The following GRM7 variants were observed in gnomAD, a reference collection of about 807,000 sequenced individuals.
GRM7 encodes metabotropic glutamate receptor 7.
A neutral mutation model predicts 84.5 loss-of-function variants in GRM7; 35 were observed. The observed-to-expected ratio is 0.41, with a 90% CI of 0.32 to 0.55. The LOEUF is 0.55. Ranked by LOEUF, GRM7 falls within the 20% of genes least tolerant of loss-of-function variation. The pLI, the probability that GRM7 is intolerant of heterozygous loss-of-function variation, is 0.19. For missense variants in GRM7, 1,003 were observed against 1,194.6 expected, an observed-to-expected ratio of 0.84 and a Z score of 2.36; for synonymous variants, 487 against 455.1, an observed-to-expected ratio of 1.07 and a Z score of -0.89.
chr3:7,643,400 T>G (rs1698458143), intron 8 of GRM7, among the ~76,000 whole-genome samples: 1 of 152,082 alleles, frequency 6.6e-6, no homozygotes, highest in African/African-American at 2.4e-5. Flanking sequence ...GAAGTACTCA[T>G]GCCCTACTTT....
At position 7,595,695 on chromosome 3, in the gene GRM7, T is replaced by G. The variant is rs368275443; in HGVS notation, c.2451+16338T>G. Among the ~76,000 whole-genome samples the G allele has an allele frequency of 7.3e-5, 11 of 151,646 alleles. No individual in the cohort carries two copies. In the East Asian group the frequency reaches 1.4e-3, roughly 19 times the overall value. ...CAAGAGAAGGAGTCATGAATATAACTGGGGGTGGGGGTAGGGAAGAGTGCC... is the reference window on the plus strand; with the variant it reads ...CAAGAGAAGGAGTCATGAATATAACGGGGGGTGGGGGTAGGGAAGAGTGCC... On this transcript the variant is annotated intron_variant, in intron 8 of 9. Coordinates refer to ENST00000357716, the MANE Select transcript of GRM7 (RefSeq NM_000844.4).
intron 2 of GRM7, among the ~76,000 whole-genome samples, chr3:7,207,566 C>A (rs983041371): frequency 2.6e-5 from 4 of 152,172 alleles, no homozygotes. Context: ...CTTCATCTAA[C>A]ATGTAGCTCC....
intron 2 of GRM7, among the ~76,000 whole-genome samples, chr3:7,211,898 G>A (rs1011767998): frequency 2.6e-5 from 4 of 151,532 alleles, no homozygotes; most frequent in African/African-American, 7.3e-5. Context: ...TGACTTCCCC[G>A]ACTTGGTGTT....
At chr3:6,921,687 C>A (rs1185440618) in intron 1 of GRM7, among the ~76,000 whole-genome samples, 1 of 151,976 alleles carries the variant, frequency 6.6e-6, no homozygotes, top group Non-Finnish European at 1.5e-5. Flanking sequence ...AATAGACCTC[C>A]GAAATGGGTG....
At chr3:7,719,219 TC>T (rs1349655940) in intron 9 of GRM7, among the ~76,000 whole-genome samples, 2 of 152,270 alleles carry the variant, frequency 1.3e-5, no homozygotes, top group East Asian at 3.9e-4. Flanking sequence ...TTAAGAATTA[TC>T]CATGTTGCTG....
chr3:7,561,487 T>C (rs766994829), intron 7 of GRM7: 15 of 456,212 alleles, frequency 3.3e-5, no homozygotes, highest in Non-Finnish European at 5.3e-5. Flanking sequence ...AAGATGATGT[T>C]AGAAGGATGG....
rs1009521525 is a variant in GRM7, at chr3:7,385,965, C to T, written c.1034-29058C>T. Among the ~76,000 whole-genome samples the T allele has an allele frequency of 2.0e-5, 3 of 152,156 alleles. No homozygotes were observed. The South Asian group carries it at 6.2e-4, about 32-fold the overall frequency. On this transcript the variant is annotated intron_variant, in intron 4 of 9. Transcript: ENST00000357716. Reference sequence around the variant, plus strand: ...GAAACAAAGTGTTGACCAAGAGATGCAAAGCAAAACGTGCATACAGTCTGA... The same window carrying T: ...GAAACAAAGTGTTGACCAAGAGATGTAAAGCAAAACGTGCATACAGTCTGA...
intron 1 of GRM7, among the ~76,000 whole-genome samples, chr3:6,875,150 A>G (rs190739890): frequency 6.6e-6 from 1 of 152,206 alleles, no homozygotes; most frequent in East Asian, 1.9e-4. Flanking sequence ...ATGCTTTCTC[A>G]TAAGGGAAAC....
At chr3:7,655,539 C>G (rs1160594387) in intron 8 of GRM7, among the ~76,000 whole-genome samples, 1 of 152,206 alleles carries the variant, frequency 6.6e-6, no homozygotes, top group Non-Finnish European at 1.5e-5. Context: ...ACTATTTAAT[C>G]CACTATACTG....
intron 2 of GRM7, among the ~76,000 whole-genome samples, chr3:7,152,229 C>G (rs1033068825): frequency 6.6e-6 from 1 of 152,124 alleles, no homozygotes; most frequent in South Asian, 2.1e-4. Context: ...TTGAGTATGT[C>G]CCCTTCCCCC....
At chr3:6,958,563 C>T (rs941729799) in intron 1 of GRM7, among the ~76,000 whole-genome samples, 1 of 152,014 alleles carries the variant, frequency 6.6e-6, no homozygotes, top group Non-Finnish European at 1.5e-5. Context: ...ATTTCTGGGA[C>T]ATAATTTCAT....
chr3:7,320,253 A>G (rs1575163439), intron 4 of GRM7, among the ~76,000 whole-genome samples: 1 of 152,090 alleles, frequency 6.6e-6, no homozygotes, highest in East Asian at 1.9e-4. Context: ...ATAACAAAAG[A>G]CAAATTAACA....
intron 1 of GRM7, among the ~76,000 whole-genome samples, chr3:7,100,996 T>C (rs1420305501): frequency 2.0e-5 from 3 of 151,764 alleles, no homozygotes; most frequent in African/African-American, 7.3e-5. Flanking sequence ...TTATCCATTC[T>C]CCAGTTGATG....
chr3:7,721,787 G>T (rs1701958191), intron 9 of GRM7, among the ~76,000 whole-genome samples: 1 of 152,184 alleles, frequency 6.6e-6, no homozygotes. Context: ...GACTAGCGGG[G>T]CCATTGATTA....
intron 1 of GRM7, among the ~76,000 whole-genome samples, chr3:7,030,483 T>C (rs1428044161): frequency 1.3e-5 from 2 of 152,204 alleles, no homozygotes; most frequent in African/African-American, 4.8e-5. Context: ...TTTGTTGGAT[T>C]TCAATTATAC....
intron 1 of GRM7, among the ~76,000 whole-genome samples, chr3:7,115,094 G>A (rs571994334): frequency 9.3e-4 from 141 of 152,220 alleles, no homozygotes; most frequent in African/African-American, 3.0e-3. Flanking sequence ...TCAATCCATA[G>A]ATATGTATTC....
chr3:7,158,618 G>C (rs185038485), intron 2 of GRM7, among the ~76,000 whole-genome samples: 6 of 152,228 alleles, frequency 3.9e-5, no homozygotes, highest in Admixed American at 3.9e-4. Flanking sequence ...TTAAAAATAG[G>C]GAAGATGAAC....
At chr3:6,892,834 C>T (rs1344322623) in intron 1 of GRM7, 2 of 152,144 alleles carry the variant, frequency 1.3e-5, no homozygotes, top group Non-Finnish European at 2.9e-5. Flanking sequence ...CATCATTCCT[C>T]TCTTTGGAGA....
intron 4 of GRM7, among the ~76,000 whole-genome samples, chr3:7,360,528 T>TA (rs1693615311): frequency 6.6e-6 from 1 of 152,082 alleles, no homozygotes; most frequent in African/African-American, 2.4e-5. Flanking sequence ...AGATGGAAAA[T>TA]ATTTTTCAAG....
Sources: allele counts gnomAD v4.1 joint callset (sites outside exome capture counted in the v4.1 genomes callset), GRCh38; gene constraint gnomAD v4.1.1; transcripts MANE v1.5; gene names NCBI Gene and HGNC (gene_info 2026-07-23, HGNC 2026-07-21).